Variants in FAM135B observed in about 807,000 individuals in gnomAD.
FAM135B encodes the protein protein FAM135B.
Under a neutral mutation model 127.7 loss-of-function variants are expected in FAM135B, and 43 were observed. The ratio of observed to expected loss-of-function variants is 0.34; its 90% CI spans 0.26 to 0.43. The LOEUF (loss-of-function observed/expected upper bound fraction) is 0.43, where lower values mean the gene tolerates loss of function less well. Ranked by LOEUF, FAM135B falls within the 20% of genes least tolerant of loss-of-function variation. The pLI is 1.00. For missense variants in FAM135B, 1,558 were observed against 1,725.6 expected (o/e 0.90, Z 1.72); for synonymous variants, 670 against 665.1 (o/e 1.01, Z -0.11).
rs2130791419 is a variant in FAM135B at position 138,153,103 on chromosome 8, C to T, written c.1372G>A (p.Glu458Lys). 6.2e-7 allele frequency: 1 copy of T among 1,614,012 alleles called. No individual in the cohort carries two copies. Residue 458 changes from glutamate to lysine, a missense_variant, in exon 13 of 20, where the codon GAA becomes AAA. Glu to Lys is a moderately conservative substitution (Grantham distance 56, BLOSUM62 1). Transcript: ENST00000395297. The part of the protein sequence containing the change: ...CMVNSNLSFR[E>K]DLVLSTIKPS... ...TTTATGGTAGACAAGACAAGGTCTT[C>T]CCTAAAAGATAAATTGCTATTTACC...
chr8:138,226,184 T>TGTGTGTGTGTGTGTGCGCGCGCGCGC, intron 7 of FAM135B, among the ~76,000 whole-genome samples: 3,205 of 139,014 alleles, frequency 0.023, 56 homozygotes, highest in Admixed American at 0.035. Context: ...TGTGTGTGTG[T>TGTGTGTGTGTGTGTGCGCGCGCGCGC]GCGCGCATGT....
intron 11 of FAM135B, among the ~76,000 whole-genome samples, chr8:138,173,536 TA>T (rs769419390): frequency 5.9e-5 from 9 of 152,142 alleles, no homozygotes; most frequent in Middle Eastern, 3.2e-3. Context: ...TAATAGTACC[TA>T]CCTCATAGAG....
chr8:138,178,494 A>G (rs1586695599), intron 10 of FAM135B, 41 bp downstream of exon 10: 1 of 1,608,436 alleles, frequency 6.2e-7, no homozygotes, highest in African/African-American at 1.3e-5. Context: ...AAAGAAATCA[A>G]ATGCATGTGA....
Position 138,141,766 on chromosome 8 carries a change from A to G in FAM135B, c.3639-417T>C, listed in dbSNP as rs1817172131. 6.6e-6 allele frequency among the ~76,000 whole-genome samples: 1 copy of G among 152,114 alleles called. No homozygotes were observed. Among genetic ancestry groups the G allele is most frequent in the African/African-American group, 2.4e-5 (1 of 41,416 alleles). ...CATATACGGATGGCCTCACAATGCC[A>G]TTCATCCTCTCCTTCACCCGCTGTG... On this transcript the variant is annotated intron_variant, in intron 16 of 19. Coordinates refer to ENST00000395297, the MANE Select transcript of FAM135B (RefSeq NM_015912.4). This position sits in a 1 kb window ranked among gnomAD's most constrained non-coding sequence, Gnocchi z 4.7.
At chr8:138,344,619 A>G (rs1173038697) in intron 2 of FAM135B, among the ~76,000 whole-genome samples, 2 of 125,984 alleles carry the variant, frequency 1.6e-5, no homozygotes, top group African/African-American at 6.3e-5. Context: ...TCTGTCGCCC[A>G]GGCTGGAGTG....
At chr8:138,157,591 C>A (rs1434614976) in intron 12 of FAM135B, among the ~76,000 whole-genome samples, 3 of 145,888 alleles carry the variant, frequency 2.1e-5, no homozygotes, top group Non-Finnish European at 3.0e-5. Context: ...TAAGCACCTT[C>A]AGCAAAGTCT....
chr8:138,207,898 C>T (rs1326135170), intron 7 of FAM135B, among the ~76,000 whole-genome samples: 1 of 152,160 alleles, frequency 6.6e-6, no homozygotes, highest in African/African-American at 2.4e-5. Flanking sequence ...ACTGCCATAC[C>T]AGGGTGGGTA....
At chr8:138,336,137 G>T (rs1422612433) in intron 2 of FAM135B, among the ~76,000 whole-genome samples, 2 of 151,826 alleles carry the variant, frequency 1.3e-5, no homozygotes, top group Non-Finnish European at 2.9e-5. Context: ...AGCACTAAAT[G>T]CCCACAAGAG....
intron 1 of FAM135B, among the ~76,000 whole-genome samples, chr8:138,444,253 G>C (rs1006103762): frequency 2.0e-5 from 3 of 152,054 alleles, no homozygotes; most frequent in African/African-American, 7.2e-5. Context: ...GAGACAGAAA[G>C]TTAACAAGGA....
intron 7 of FAM135B, among the ~76,000 whole-genome samples, chr8:138,238,703 A>C (rs1484658833): frequency 6.6e-6 from 1 of 152,196 alleles, no homozygotes; most frequent in African/African-American, 2.4e-5. Context: ...TGCGGATTCC[A>C]ATGTTATTTG....
chr8:138,177,299 T>G lies in FAM135B; in HGVS notation c.1103+48A>C, dbSNP rs777545752. 22 of 1,565,528 alleles carry G rather than the reference T, an allele frequency of 1.4e-5. No individual in the cohort carries two copies. The African/African-American group carries it at 2.7e-4, about 19-fold the overall frequency. On this transcript the variant is annotated intron_variant, in intron 11 of 19. Transcript: ENST00000395297. ...GAAGAGTAACTTTGAACAGCATGTC[T>G]TGGGTGGCTGCTTTTAGGGATGAAG...
Position 138,381,966 on chromosome 8 carries a change from C to T in FAM135B, c.-19-13964G>A, listed in dbSNP as rs542360278. On this transcript the variant is annotated intron_variant, in intron 1 of 19. Coordinates refer to ENST00000395297, the MANE Select transcript of FAM135B (RefSeq NM_015912.4). The stretch of plus-strand genomic sequence containing the variant: ...CAACATAAACAGGAGAGGAGGTGAA[C>T]GCAAGATGCAAGGCTCCCACACATG... Among the ~76,000 whole-genome samples the T allele has an allele frequency of 5.9e-5, 9 of 152,088 alleles. No homozygotes were observed. In the South Asian group the frequency reaches 1.7e-3, roughly 28 times the overall value.
intron 3 of FAM135B, among the ~76,000 whole-genome samples, chr8:138,294,174 A>G (rs1299625853): frequency 2.6e-5 from 4 of 152,162 alleles, no homozygotes; most frequent in Non-Finnish European, 4.4e-5. Context: ...ATGTTCTTAT[A>G]AGTGGGAGCT....
chr8:138,237,317 C>T (rs1820377750), intron 7 of FAM135B, among the ~76,000 whole-genome samples: 1 of 152,020 alleles, frequency 6.6e-6, no homozygotes, highest in Non-Finnish European at 1.5e-5. Flanking sequence ...CCCGCCAACA[C>T]ATCCAGCTAA....
At chr8:138,189,329 G>T (rs563009659) in intron 9 of FAM135B, among the ~76,000 whole-genome samples, 1 of 151,998 alleles carries the variant, frequency 6.6e-6, no homozygotes, top group Non-Finnish European at 1.5e-5. Flanking sequence ...GCAAGCCTCC[G>T]CATTCACCAC....
intron 19 of FAM135B, among the ~76,000 whole-genome samples, chr8:138,135,573 C>T (rs1816584630): frequency 6.6e-6 from 1 of 152,230 alleles, no homozygotes; most frequent in South Asian, 2.1e-4. Flanking sequence ...TATACTCTAA[C>T]AGTACACGTG....
At chr8:138,440,060 A>C (rs1835674569) in intron 1 of FAM135B, 1 of 152,202 alleles carries the variant, frequency 6.6e-6, no homozygotes, top group African/African-American at 2.4e-5. Flanking sequence ...ACTAAGAGCT[A>C]TCAGGGTGTT....
intron 7 of FAM135B, among the ~76,000 whole-genome samples, chr8:138,240,492 A>G (rs1820671009): frequency 6.6e-6 from 1 of 152,196 alleles, no homozygotes; most frequent in Non-Finnish European, 1.5e-5. Context: ...GTGTGGCCTC[A>G]GTGTCTTGCT....
intron 1 of FAM135B, among the ~76,000 whole-genome samples, chr8:138,381,728 C>G (rs979133680): frequency 1.3e-5 from 2 of 152,184 alleles, no homozygotes; most frequent in East Asian, 3.9e-4. Context: ...CTACTTAGGA[C>G]ATTAAGACTG....
Sources: allele counts gnomAD v4.1 joint callset (sites outside exome capture counted in the v4.1 genomes callset), GRCh38; gene constraint gnomAD v4.1.1; non-coding constraint Gnocchi (gnomAD v3.1); transcripts MANE v1.5; gene names NCBI Gene and HGNC (gene_info 2026-07-23, HGNC 2026-07-21).